The following CSMD3 variants were observed in gnomAD, a reference collection of about 807,000 sequenced individuals.
CSMD3 encodes CUB and sushi domain-containing protein 3.
In CSMD3, 177 loss-of-function variants were observed where a neutral mutation model predicts 435.2. The observed-to-expected ratio is 0.41, with a 90% CI of 0.36 to 0.46. CSMD3 has a LOEUF of 0.46. Among genes scored for constraint, CSMD3 ranks in the 20% least tolerant of loss-of-function variants. The probability of loss-of-function intolerance (pLI) is 0.34; values close to 1 mark genes in which losing one functional copy is unlikely to be tolerated. For missense variants in CSMD3, 4,265 were observed against 4,504.6 expected (o/e 0.95, Z 1.52); for synonymous variants, 1,656 against 1,520.5 (o/e 1.09, Z -2.07).
chr8:113,219,881 T>C (rs926824411), intron 3 of CSMD3, among the ~76,000 whole-genome samples: 1 of 151,484 alleles, frequency 6.6e-6, no homozygotes, highest in Non-Finnish European at 1.5e-5. Context: ...TGAAATATAT[T>C]ACAAACAAAG....
intron 3 of CSMD3, among the ~76,000 whole-genome samples, chr8:113,177,323 T>A (rs1237521496): frequency 6.6e-6 from 1 of 151,996 alleles, no homozygotes; most frequent in Non-Finnish European, 1.5e-5. Flanking sequence ...ATGAAGAATT[T>A]TTTTGTAATT....
chr8:113,309,020 C>T (rs1229843992), intron 2 of CSMD3, among the ~76,000 whole-genome samples: 1 of 152,198 alleles, frequency 6.6e-6, no homozygotes, highest in East Asian at 1.9e-4. Context: ...GCAGTCTCTG[C>T]TCACTGCAAC....
intron 67 of CSMD3, among the ~76,000 whole-genome samples, chr8:112,236,252 C>T (rs1399361189): frequency 6.6e-6 from 1 of 151,604 alleles, no homozygotes; most frequent in East Asian, 1.9e-4. Flanking sequence ...TCTATACAGA[C>T]AAGAATTTTA....
chr8:113,408,808 G>A (rs894256735), intron 1 of CSMD3, among the ~76,000 whole-genome samples: 10 of 151,878 alleles, frequency 6.6e-5, no homozygotes, highest in Non-Finnish European at 1.5e-5. Context: ...GGGACTACAG[G>A]CGTGTGCCAC....
chr8:112,309,457 C>A (rs953594743), intron 50 of CSMD3, among the ~76,000 whole-genome samples: 4 of 151,502 alleles, frequency 2.6e-5, no homozygotes, highest in Admixed American at 6.6e-5. Context: ...ATATTATAAG[C>A]TTATTTTATA....
rs778159730 is a variant in CSMD3, at chr8:112,247,108, A to G, written c.10134T>C (p.His3378=). 1.8e-5 allele frequency: 29 copies of G among 1,613,168 alleles called. No individual in the cohort carries two copies. The highest frequency in any genetic ancestry group is 1.6e-4 in the Middle Eastern group (1 of 6,080). The stretch of plus-strand genomic sequence containing the variant: ...CTTGGAGAAGGTGTCCTTTTTTGCA[A>G]TGGAACTGTACAACACTTCCTACCT... ...GFQVGSVVQF[H]CKKGHLLQGS... is the part of the protein sequence containing the mutation. Residue 3378 remains histidine, a synonymous_variant, in exon 64 of 71, where the codon CAT becomes CAC. Transcript: ENST00000297405.
chr8:112,859,897 T>C (rs1191015967), intron 10 of CSMD3, among the ~76,000 whole-genome samples: 1 of 151,834 alleles, frequency 6.6e-6, no homozygotes, highest in Non-Finnish European at 1.5e-5. Flanking sequence ...TGCTTCTTGA[T>C]GACCACAAAT....
At chr8:113,049,863 A>G (rs1456044845) in intron 5 of CSMD3, among the ~76,000 whole-genome samples, 1 of 152,212 alleles carries the variant, frequency 6.6e-6, no homozygotes, top group East Asian at 1.9e-4. Context: ...CATATGATAT[A>G]TAATAGGATA....
At chr8:113,362,966 G>T (rs1472429763) in intron 1 of CSMD3, among the ~76,000 whole-genome samples, 1 of 152,140 alleles carries the variant, frequency 6.6e-6, no homozygotes, top group Non-Finnish European at 1.5e-5. Flanking sequence ...TATTGAATCT[G>T]TATTCCTTAA....
At chr8:112,619,223 G>A (rs1041039530) in intron 22 of CSMD3, among the ~76,000 whole-genome samples, 3 of 151,848 alleles carry the variant, frequency 2.0e-5, no homozygotes, top group Non-Finnish European at 4.4e-5. Flanking sequence ...GGGTAGAATT[G>A]CTTATTGCTA....
chr8:112,254,052 CCA>C (rs1293757918), intron 63 of CSMD3, among the ~76,000 whole-genome samples, 199 bp downstream of exon 63: 1 of 151,834 alleles, frequency 6.6e-6, no homozygotes, highest in African/African-American at 2.4e-5. Flanking sequence ...TTTTTATGTT[CCA>C]GTTAGGAAAT....
rs554998070 is a variant in CSMD3, at chr8:113,013,637, A to G, written c.1030+5430T>C. 3.9e-5 allele frequency among the ~76,000 whole-genome samples: 6 copies of G among 152,162 alleles called. No individual in the cohort carries two copies. In the East Asian group the frequency reaches 1.2e-3, roughly 29 times the overall value. ...AAAGCAGAAACCTAAAAGGACAGGAACCAGGGCGTTTGGAGGATCTAGATA... is the reference window on the plus strand; with the variant it reads ...AAAGCAGAAACCTAAAAGGACAGGAGCCAGGGCGTTTGGAGGATCTAGATA... On this transcript the variant is annotated intron_variant, in intron 6 of 70. Transcript: ENST00000297405.
intron 6 of CSMD3, among the ~76,000 whole-genome samples, chr8:112,993,738 C>A (rs1587845004): frequency 6.6e-6 from 1 of 151,638 alleles, no homozygotes; most frequent in Admixed American, 6.6e-5. Context: ...TCAATGAAGA[C>A]CTCTTTGATA....
intron 12 of CSMD3, among the ~76,000 whole-genome samples, chr8:112,819,275 T>C (rs556076065): frequency 3.3e-4 from 50 of 152,224 alleles, no homozygotes; most frequent in South Asian, 4.1e-4. Flanking sequence ...ACTTTGAACA[T>C]GCAGGCTGGG....
chr8:112,717,439 T>C (rs1400308473), intron 13 of CSMD3, among the ~76,000 whole-genome samples: 3 of 152,120 alleles, frequency 2.0e-5, no homozygotes, highest in Non-Finnish European at 2.9e-5. Context: ...TGTGGAGAAA[T>C]AGGAATGCTT....
At chr8:112,447,071 C>G (rs1465660156) in intron 32 of CSMD3, among the ~76,000 whole-genome samples, 1 of 152,006 alleles carries the variant, frequency 6.6e-6, no homozygotes, top group Admixed American at 6.6e-5. Context: ...CCCTACTGAT[C>G]ATTTTAAAAA....
chr8:113,329,120 G>C (rs530959584), intron 1 of CSMD3, among the ~76,000 whole-genome samples: 4 of 151,514 alleles, frequency 2.6e-5, no homozygotes, highest in South Asian at 2.1e-4. Context: ...AAAATAAGTG[G>C]TTAGAAACTA....
At chr8:113,243,599 C>T (rs538825918) in intron 3 of CSMD3, among the ~76,000 whole-genome samples, 2 of 152,096 alleles carry the variant, frequency 1.3e-5, no homozygotes, top group South Asian at 2.1e-4. Context: ...GTTTGTATCC[C>T]TGTTTTCAAT....
At chr8:113,268,667 G>T (rs2132401174) in intron 3 of CSMD3, among the ~76,000 whole-genome samples, 1 of 152,094 alleles carries the variant, frequency 6.6e-6, no homozygotes, top group Non-Finnish European at 1.5e-5. Context: ...AAGTAAATGG[G>T]CTAAAGAAGG....
Sources: allele counts gnomAD v4.1 joint callset (sites outside exome capture counted in the v4.1 genomes callset), GRCh38; gene constraint gnomAD v4.1.1; transcripts MANE v1.5; gene names NCBI Gene and HGNC (gene_info 2026-07-23, HGNC 2026-07-21).